The following MYO1H variants were observed in gnomAD, a reference collection of about 807,000 sequenced individuals.
The protein encoded by MYO1H is unconventional myosin-Ih.
MYO1H carries 118 observed loss-of-function variants against 149.3 expected under a neutral mutation model. That is an observed-to-expected ratio of 0.79 (90% CI 0.68 to 0.92). The LOEUF is 0.92. Among genes scored for constraint, MYO1H ranks in the 40% least tolerant of loss-of-function variants. The probability of loss-of-function intolerance (pLI) is 0.00; values close to 1 mark genes in which losing one functional copy is unlikely to be tolerated. For missense variants in MYO1H, 1,212 were observed against 1,280.7 expected (o/e 0.95, Z 0.82); for synonymous variants, 447 against 465.2 (o/e 0.96, Z 0.50).
chr12:109,407,105 A>G (rs1234469998), intron 9 of MYO1H, among the ~76,000 whole-genome samples: 2 of 152,092 alleles, frequency 1.3e-5, no homozygotes, highest in Non-Finnish European at 2.9e-5. Flanking sequence ...GTCTTTGCAC[A>G]TGCTATTCCT....
At chr12:109,352,398 TTATG>T (rs1868481237) in intron 1 of MYO1H, among the ~76,000 whole-genome samples, 1 of 152,212 alleles carries the variant, frequency 6.6e-6, no homozygotes, top group African/African-American at 2.4e-5. Context: ...CCCAGGGTCT[TTATG>T]TAATTGTCTC....
intron 6 of MYO1H, 60 bp from the exon 7 acceptor site, chr12:109,403,922 A>C (rs1363713716): frequency 1.5e-5 from 17 of 1,132,120 alleles, no homozygotes; most frequent in Non-Finnish European, 2.0e-5. Context: ...AGAGAGGAAT[A>C]GACATGCTTA....
intron 18 of MYO1H, among the ~76,000 whole-genome samples, chr12:109,427,085 G>A (rs996285779): frequency 6.6e-6 from 1 of 152,114 alleles, no homozygotes; most frequent in African/African-American, 2.4e-5. Context: ...GGAGGCCGAG[G>A]CGGGTGGATC....
rs960704014 is a variant in MYO1H, at chr12:109,443,400, G to A, written c.2689-114G>A. On this transcript the variant is annotated intron_variant, in intron 27 of 31. Coordinates refer to ENST00000310903, the Ensembl canonical transcript of MYO1H. Reference sequence around the variant, plus strand: ...CACACACACACACACACACATACACGCAAAATCTGTTTGAGCTTTTCTAAA... The same window carrying A: ...CACACACACACACACACACATACACACAAAATCTGTTTGAGCTTTTCTAAA... The A allele has an allele frequency of 1.4e-4, 132 of 955,700 alleles. 1 individual carries two copies. Among genetic ancestry groups the A allele is most frequent in the African/African-American group, 5.7e-4 (32 of 55,778 alleles). 59.2% of individuals were successfully genotyped at this position (955,700 alleles called of 1,614,324 possible). A position where few individuals can be genotyped will look rare whatever the true frequency, so the allele number is the denominator to read the frequency against.
At chr12:109,385,433 C>T (rs940605985) in intron 1 of MYO1H, among the ~76,000 whole-genome samples, 1 of 151,954 alleles carries the variant, frequency 6.6e-6, no homozygotes, top group Non-Finnish European at 1.5e-5. Context: ...GCTGGGACTA[C>T]AGGCACGCAC....
chr12:109,366,089 C>T (rs558106925), intron 1 of MYO1H, among the ~76,000 whole-genome samples: 5 of 152,294 alleles, frequency 3.3e-5, no homozygotes, highest in East Asian at 1.9e-4. Flanking sequence ...CCTCTTCTCC[C>T]GTCCATGGAA....
intron 1 of MYO1H, among the ~76,000 whole-genome samples, chr12:109,367,182 GA>G (rs1868882231): frequency 6.6e-6 from 1 of 152,094 alleles, no homozygotes; most frequent in Non-Finnish European, 1.5e-5. Flanking sequence ...AAAGTCAAAA[GA>G]AAAATGGGAA....
chr12:109,400,284 G>T (rs1196304786), intron 5 of MYO1H, among the ~76,000 whole-genome samples: 1 of 152,192 alleles, frequency 6.6e-6, no homozygotes, highest in Non-Finnish European at 1.5e-5. Flanking sequence ...AAGTGGAATT[G>T]TGGGGTTCTT....
At chr12:109,360,144 T>C (rs61936482) in intron 1 of MYO1H, among the ~76,000 whole-genome samples, 1 of 151,632 alleles carries the variant, frequency 6.6e-6, no homozygotes. Context: ...CCTGGATGTA[T>C]GTGGATAAAT....
intron 19 of MYO1H, among the ~76,000 whole-genome samples, chr12:109,432,318 G>C (rs908206029): frequency 1.3e-5 from 2 of 151,724 alleles, no homozygotes; most frequent in African/African-American, 4.8e-5. Flanking sequence ...TTTAAGTAGA[G>C]ACGGGGTCTG....
chr12:109,354,878 T>C (rs776382704), intron 1 of MYO1H, among the ~76,000 whole-genome samples: 1 of 152,226 alleles, frequency 6.6e-6, no homozygotes, highest in Non-Finnish European at 1.5e-5. Context: ...GCCTTTACTT[T>C]TACACATTTG....
chr12:109,419,792 C>A (rs1490168957), intron 15 of MYO1H, among the ~76,000 whole-genome samples: 1 of 151,652 alleles, frequency 6.6e-6, no homozygotes, highest in Non-Finnish European at 1.5e-5. Context: ...AACTCCTAGG[C>A]TCGAGCTATC....
At chr12:109,370,808 T>C (rs1387677847) in intron 1 of MYO1H, among the ~76,000 whole-genome samples, 1 of 152,144 alleles carries the variant, frequency 6.6e-6, no homozygotes, top group Non-Finnish European at 1.5e-5. Flanking sequence ...TGAGCACCAA[T>C]TATGTGGCAA....
chr12:109,377,541 A>G (rs1001221769), intron 1 of MYO1H, among the ~76,000 whole-genome samples: 2 of 152,178 alleles, frequency 1.3e-5, no homozygotes, highest in East Asian at 3.8e-4. Flanking sequence ...CACCTCCAAC[A>G]CTGGGGATCA....
the MYO1H span, among the ~76,000 whole-genome samples, chr12:109,330,824 T>C: frequency 6.6e-6 from 1 of 152,168 alleles, no homozygotes; most frequent in Non-Finnish European, 1.5e-5. Flanking sequence ...TGCCCCTTTT[T>C]TCCCCCAGCT....
At chr12:109,368,986 ATTTC>A (rs1868928307) in intron 1 of MYO1H, among the ~76,000 whole-genome samples, 1 of 150,084 alleles carries the variant, frequency 6.7e-6, no homozygotes, top group South Asian at 2.1e-4. Flanking sequence ...AAAGGACATG[ATTTC>A]TTTCTTTTTT....
intron 15 of MYO1H, among the ~76,000 whole-genome samples, chr12:109,417,829 T>TG (rs202056660): frequency 1.8e-4 from 27 of 151,002 alleles, no homozygotes; most frequent in Admixed American, 3.3e-4. Flanking sequence ...TGTTTTGTTT[T>TG]TTTTGAGACG....
chr12:109,443,196 A>ATGTGTGTATATATGTGTACGTATG (rs1566045179), intron 27 of MYO1H, among the ~76,000 whole-genome samples: 1 of 95,670 alleles, frequency 1.0e-5, no homozygotes, highest in African/African-American at 4.7e-5. Flanking sequence ...GTGTACGTAT[A>ATGTGTGTATATATGTGTACGTATG]TGTGTGTATA....
rs55927192 is a variant in MYO1H at position 109,353,393 on chromosome 12, C to CAAAAAAAAAAAAAAAA, written c.12+5432_12+5447dup. 1.1e-3 allele frequency among the ~76,000 whole-genome samples: 89 copies of CAAAAAAAAAAAAAAAA among 79,274 alleles called. 4 individuals carry two copies. Among genetic ancestry groups the CAAAAAAAAAAAAAAAA allele is most frequent in the African/African-American group, 1.8e-3 (39 of 21,362 alleles). 52.0% of individuals were successfully genotyped at this position (79,274 alleles called of 152,430 possible). On this transcript the variant is annotated intron_variant, in intron 1 of 31. Coordinates refer to ENST00000310903, the Ensembl canonical transcript of MYO1H. ...TGGGTGACAGAGCGAGACTCCGTCT[C>CAAAAAAAAAAAAAAAA]AAAAAAAAAAAAAAAAAAAAAAAAA...
Sources: gnomAD v4.1 joint callset for allele counts (sites outside exome capture counted in the v4.1 genomes callset) on GRCh38, gnomAD v4.1.1 for gene constraint, MANE v1.5 for transcripts, NCBI Gene and HGNC (gene_info 2026-07-23, HGNC 2026-07-21) for gene names.